The following LRP1B variants were observed in gnomAD, a reference collection of about 807,000 sequenced individuals.
LRP1B encodes the protein low-density lipoprotein receptor-related protein 1B.
Under a neutral mutation model 556.6 loss-of-function variants are expected in LRP1B, and 217 were observed. The observed-to-expected ratio is 0.39, with a 90% confidence interval of 0.35 to 0.44. The LOEUF is 0.44. Ranked by LOEUF, LRP1B falls within the 20% of genes least tolerant of loss-of-function variation. LRP1B has a pLI of 1.00. For synonymous variants in LRP1B, 2,047 were observed against 1,865.8 expected, an observed-to-expected ratio of 1.10 and a Z score of -2.50; for missense variants, 5,053 against 5,620.8, an observed-to-expected ratio of 0.90 and a Z score of 3.23.
At chr2:140,882,138 C>A (rs1393697023) in intron 25 of LRP1B, among the ~76,000 whole-genome samples, 1 of 152,028 alleles carries the variant, frequency 6.6e-6, no homozygotes, top group African/African-American at 2.4e-5. Flanking sequence ...TATTACTTTT[C>A]TTTTATTCAG....
intron 2 of LRP1B, among the ~76,000 whole-genome samples, chr2:141,749,776 T>A (rs1694043684): frequency 6.6e-6 from 1 of 152,068 alleles, no homozygotes; most frequent in Non-Finnish European, 1.5e-5. Flanking sequence ...GGGAAATGGT[T>A]AACTAAATGA....
chr2:141,932,067 A>C (rs1156445947), intron 1 of LRP1B, among the ~76,000 whole-genome samples: 1 of 152,056 alleles, frequency 6.6e-6, no homozygotes, highest in Non-Finnish European at 1.5e-5. Flanking sequence ...GAGTCCAGTA[A>C]GGGGTAATGA....
chr2:141,173,589 C>A (rs1680601713), intron 7 of LRP1B, among the ~76,000 whole-genome samples: 1 of 152,140 alleles, frequency 6.6e-6, no homozygotes, highest in East Asian at 1.9e-4. Context: ...GATTAATAGT[C>A]TATATTGTGG....
intron 1 of LRP1B, among the ~76,000 whole-genome samples, chr2:142,031,945 T>C (rs1703726704): frequency 6.6e-6 from 1 of 151,770 alleles, no homozygotes; most frequent in Non-Finnish European, 1.5e-5. Context: ...CCACACAGAC[T>C]GGAGTCATGC....
At chr2:140,766,620 C>CTGATGATGA (rs145590728) in intron 35 of LRP1B, among the ~76,000 whole-genome samples, 383 of 149,048 alleles carry the variant, frequency 2.6e-3, no homozygotes, top group East Asian at 0.014. Context: ...GCTCTACAGA[C>CTGATGATGA]TGATGATGAT....
intron 2 of LRP1B, among the ~76,000 whole-genome samples, chr2:141,654,886 T>C (rs1173418716): frequency 6.6e-6 from 1 of 152,160 alleles, no homozygotes; most frequent in African/African-American, 2.4e-5. Context: ...TTATGATAAG[T>C]TGTCTTGGTG....
chr2:140,252,778 T>C (rs1464465434), intron 86 of LRP1B, among the ~76,000 whole-genome samples: 1 of 152,084 alleles, frequency 6.6e-6, no homozygotes, highest in Non-Finnish European at 1.5e-5. Flanking sequence ...GTGAGGGACA[T>C]ATTAATCTTC....
At chr2:140,323,310 A>AGT (rs1680258943) in intron 81 of LRP1B, among the ~76,000 whole-genome samples, 5 of 152,012 alleles carry the variant, frequency 3.3e-5, no homozygotes, top group African/African-American at 1.2e-4. Flanking sequence ...CCTTTCTAGG[A>AGT]GGGAGACTAA....
At position 140,919,597 on chromosome 2, in the gene LRP1B, T is replaced by C. The variant is rs1333616922; in HGVS notation, c.3319+3368A>G. ...CTTTATTTCTATTGACCCTAAGATC[T>C]GAGCACCCATTCATTTCTGCTAGCC... On this transcript the variant is annotated intron_variant, in intron 21 of 90. Coordinates refer to ENST00000389484, the MANE Select transcript of LRP1B (RefSeq NM_018557.3). Among the ~76,000 whole-genome samples, 2 of 152,088 alleles carry C rather than the reference T, an allele frequency of 1.3e-5. 1 individual carries two copies. Among genetic ancestry groups the C allele is most frequent in the Non-Finnish European group, 2.9e-5 (2 of 67,966 alleles).
intron 20 of LRP1B, among the ~76,000 whole-genome samples, chr2:140,929,551 A>G (rs1290345002): frequency 2.6e-5 from 4 of 152,066 alleles, no homozygotes; most frequent in African/African-American, 9.7e-5. Context: ...CTTGGATATA[A>G]CCTTATAGGC....
At chr2:141,221,212 A>C (rs552349477) in intron 6 of LRP1B, among the ~76,000 whole-genome samples, 1 of 151,412 alleles carries the variant, frequency 6.6e-6, no homozygotes, top group Non-Finnish European at 1.5e-5. Flanking sequence ...AGGAAAATTT[A>C]TCAAGCAAAT....
intron 43 of LRP1B, among the ~76,000 whole-genome samples, chr2:140,595,893 A>G (rs1313589750): frequency 1.3e-5 from 2 of 152,202 alleles, no homozygotes; most frequent in African/African-American, 4.8e-5. Flanking sequence ...GTAAACTTCC[A>G]ACTTTCATTC....
rs145781835 is a variant in LRP1B at position 140,238,286 on chromosome 2, T to C, written c.13426A>G (p.Ile4476Val). Residue 4476 changes from isoleucine (I) to valine (V), a missense_variant, in exon 89 of 91, where the codon ATT (isoleucine) becomes GTT (valine). Physicochemically the swap from Ile to Val is conservative, Grantham distance 29. Around this residue, in one of 5 missense-constraint regions of LRP1B, gnomAD observed 551 missense variants for 592.0 expected, o/e 0.93. Coordinates refer to ENST00000389484, the MANE Select transcript of LRP1B (RefSeq NM_018557.3). Reference sequence around the variant, plus strand: ...CCATTGATAATAGGTTGTCTTCTAATTGTTTTTGTCCTAGAATATATAAAC... The same window carrying C: ...CCATTGATAATAGGTTGTCTTCTAACTGTTTTTGTCCTAGAATATATAAAC... Reference protein sequence around the residue: ...LCKRKRRTKTIRRQPIINGGI... With the variant: ...LCKRKRRTKTVRRQPIINGGI... 21 of 1,534,964 alleles carry C rather than the reference T, an allele frequency of 1.4e-5. No homozygotes were observed. The highest frequency in any genetic ancestry group is 1.9e-5 in the Non-Finnish European group (21 of 1,112,854).
At chr2:141,887,188 G>A (rs1036793928) in intron 1 of LRP1B, among the ~76,000 whole-genome samples, 1 of 151,810 alleles carries the variant, frequency 6.6e-6, no homozygotes, top group Non-Finnish European at 1.5e-5. Context: ...TAGAAAGGGG[G>A]TTTCACAATG....
chr2:141,469,280 G>A (rs142424249), intron 3 of LRP1B, among the ~76,000 whole-genome samples: 265 of 152,306 alleles, frequency 1.7e-3, no homozygotes, highest in African/African-American at 6.0e-3. Context: ...TGAAAAGACT[G>A]ACTACGGTGA....
At chr2:141,204,140 T>A (rs1315526429) in intron 6 of LRP1B, among the ~76,000 whole-genome samples, 1 of 152,094 alleles carries the variant, frequency 6.6e-6, no homozygotes, top group African/African-American at 2.4e-5. Context: ...TGGACAAACA[T>A]TTTAGATATT....
intron 7 of LRP1B, among the ~76,000 whole-genome samples, chr2:141,116,276 C>T (rs1373451005): frequency 6.6e-6 from 1 of 152,068 alleles, no homozygotes; most frequent in Admixed American, 6.5e-5. Flanking sequence ...ATACTAAGTG[C>T]ATAACTTATT....
At chr2:140,367,661 T>TA (rs1333453480) in intron 71 of LRP1B, among the ~76,000 whole-genome samples, 1 of 151,808 alleles carries the variant, frequency 6.6e-6, no homozygotes, top group African/African-American at 2.4e-5. Context: ...CAGTCCTTAG[T>TA]ACTAAAGAAA....
intron 37 of LRP1B, among the ~76,000 whole-genome samples, chr2:140,705,902 T>A (rs1686820710): frequency 6.6e-6 from 1 of 151,876 alleles, no homozygotes; most frequent in African/African-American, 2.4e-5. Context: ...TAAGTAAACA[T>A]TTTATGTCAA....
Sources: allele counts gnomAD v4.1 joint callset (sites outside exome capture counted in the v4.1 genomes callset), GRCh38; gene constraint gnomAD v4.1.1; regional missense constraint gnomAD v4.1.1; transcripts MANE v1.5; gene names NCBI Gene and HGNC (gene_info 2026-07-23, HGNC 2026-07-21).